Variants in CFDP1 observed in about 807,000 individuals in gnomAD.
CFDP1 encodes heterochromatin-stabilizing protein CFDP1.
CFDP1 carries 31 observed loss-of-function variants against 40.1 expected under a neutral mutation model. The observed-to-expected ratio is 0.77, with a 90% confidence interval of 0.58 to 1.04. The LOEUF is 1.04. CFDP1 is among the 50% of genes least tolerant of loss of function. CFDP1 has a pLI of 0.00. For missense variants in CFDP1, 423 were observed against 343.4 expected, an observed-to-expected ratio of 1.23 and a Z score of -1.83; for synonymous variants, 167 against 120.0, an observed-to-expected ratio of 1.39 and a Z score of -2.56.
chr16:75,318,351 C>G (rs2078338322), intron 5 of CFDP1, among the ~76,000 whole-genome samples: 1 of 151,804 alleles, frequency 6.6e-6, no homozygotes, highest in South Asian at 2.1e-4. Context: ...CAATATGCCT[C>G]AGTGGTGTGT....
intron 5 of CFDP1, among the ~76,000 whole-genome samples, chr16:75,334,956 CAA>C (rs56372530): frequency 6.3e-5 from 8 of 127,858 alleles, no homozygotes; most frequent in Admixed American, 8.4e-5. Context: ...CACTCTGCCT[CAA>C]AAAAAAAAAA....
At chr16:75,307,302 G>A (rs112732368) in intron 5 of CFDP1, among the ~76,000 whole-genome samples, 1 of 151,738 alleles carries the variant, frequency 6.6e-6, no homozygotes, top group Non-Finnish European at 1.5e-5. Flanking sequence ...TGCAACCTCC[G>A]CCTCCCGGGT....
In CFDP1 at chr16:75,328,339, C is replaced by A. The variant is rs575065976; in HGVS notation, c.651-23157G>T. Among the ~76,000 whole-genome samples, 14 of 148,654 alleles carry A rather than the reference C, an allele frequency of 9.4e-5. No individual in the cohort carries two copies. In the South Asian group the frequency reaches 3.0e-3, roughly 32 times the overall value. ...GTGGCTCATGCCTGCAATCCTGGCA[C>A]TTTGGGAGGCCGAGGCAGGTGGATC... is the stretch of plus-strand genomic sequence containing the variant. On this transcript the variant is annotated intron_variant, in intron 5 of 6. Coordinates refer to ENST00000283882, the MANE Select transcript of CFDP1 (RefSeq NM_006324.3).
chr16:75,431,273 G>A (rs1289470137), intron 1 of CFDP1, among the ~76,000 whole-genome samples: 1 of 151,828 alleles, frequency 6.6e-6, no homozygotes, highest in Admixed American at 6.6e-5. Flanking sequence ...CCAACATGGT[G>A]TAACTTCGTC....
At chr16:75,355,843 T>C (rs898308772) in intron 5 of CFDP1, among the ~76,000 whole-genome samples, 5 of 152,242 alleles carry the variant, frequency 3.3e-5, no homozygotes, top group Admixed American at 1.3e-4. Flanking sequence ...TCCCCAGCTA[T>C]GCGGAACTGA....
intron 5 of CFDP1, among the ~76,000 whole-genome samples, chr16:75,313,391 G>A (rs757058645): frequency 2.1e-4 from 32 of 152,176 alleles, no homozygotes; most frequent in Admixed American, 5.2e-4. Context: ...GTGCAGTGGC[G>A]TGGTCTCGGC....
chr16:75,393,792 G>A (rs935299043), intron 5 of CFDP1, among the ~76,000 whole-genome samples: 4 of 144,498 alleles, frequency 2.8e-5, no homozygotes, highest in Non-Finnish European at 6.0e-5. Flanking sequence ...GGGCCCGGTG[G>A]CTCACGCCTG....
intron 5 of CFDP1, among the ~76,000 whole-genome samples, chr16:75,318,437 ACT>A (rs1597327747): frequency 7.2e-6 from 1 of 138,400 alleles, no homozygotes; most frequent in African/African-American, 2.7e-5. Flanking sequence ...ATGAAGTCTC[ACT>A]CTGTCGCCCA....
rs570425979 is a variant in CFDP1, at chr16:75,363,287, A to C, written c.650+31803T>G. Among the ~76,000 whole-genome samples the C allele has an allele frequency of 2.1e-3, 312 of 151,840 alleles. 1 individual carries two copies. The highest frequency in any genetic ancestry group is 3.8e-3 in the Non-Finnish European group (255 of 67,864). On this transcript the variant is annotated intron_variant, in intron 5 of 6. Transcript: ENST00000283882. ...TCTGAGCACCAAAAAAAAAAAAAAA[A>C]ATTTTTGCCATCCCCTCTTGTGACA... is the stretch of plus-strand genomic sequence containing the variant.
intron 5 of CFDP1, among the ~76,000 whole-genome samples, chr16:75,335,725 T>A (rs1310915231): frequency 1.3e-5 from 2 of 151,990 alleles, no homozygotes; most frequent in African/African-American, 4.8e-5. Flanking sequence ...CCCGGATAAT[T>A]TTTTGTGTTT....
At chr16:75,423,212 C>A (rs1317918646) in intron 1 of CFDP1, among the ~76,000 whole-genome samples, 2 of 145,574 alleles carry the variant, frequency 1.4e-5, no homozygotes, top group East Asian at 4.2e-4. Flanking sequence ...ACCCGGGAGG[C>A]AGGGCTGGCA....
intron 5 of CFDP1, among the ~76,000 whole-genome samples, chr16:75,347,387 A>AAGAAAAAGAAAG (rs1408437044): frequency 6.6e-6 from 1 of 150,732 alleles, no homozygotes; most frequent in African/African-American, 2.4e-5. Flanking sequence ...GAAAAAGAAA[A>AAGAAAAAGAAAG]AAGAAAAAAA....
In CFDP1 at chr16:75,341,367, A is replaced by G. The variant is rs570047755; in HGVS notation, c.651-36185T>C. Among the ~76,000 whole-genome samples, 180 of 152,276 alleles carry G rather than the reference A, an allele frequency of 1.2e-3. No individual in the cohort carries two copies. The Middle Eastern group carries it at 0.02, about 17-fold the overall frequency. On this transcript the variant is annotated intron_variant, in intron 5 of 6. Coordinates refer to ENST00000283882, the MANE Select transcript of CFDP1 (RefSeq NM_006324.3). ...GGGATTCAAAGTTATTAATAACCCT[A>G]TGGCAACCTAACTGGCTTTGCTATA...
rs571370104 is a variant in CFDP1, at chr16:75,351,290, A to G, written c.650+43800T>C. On this transcript the variant is annotated intron_variant, in intron 5 of 6. Coordinates refer to ENST00000283882, the MANE Select transcript of CFDP1 (RefSeq NM_006324.3). ...TATGTATTGATAAATCCTTGAAACA[A>G]TAACCAACTCAGTAGCAACTGGCAT... Among the ~76,000 whole-genome samples the G allele has an allele frequency of 3.9e-5, 6 of 152,362 alleles. No homozygotes were observed. In the South Asian group the frequency reaches 8.3e-4, roughly 21 times the overall value.
In CFDP1 at chr16:75,412,525, C is replaced by G; in HGVS notation, c.402+10G>C. 2.5e-6 allele frequency: 4 copies of G among 1,608,668 alleles called. No homozygotes were observed. In the Middle Eastern group the frequency reaches 5.0e-4, roughly 199 times the overall value. ...GGAGAGGCATTCACCTCACTAATGT[C>G]TCAACTTACCTTAACTTGTGTACTT... On this transcript the variant is annotated intron_variant, in intron 3 of 6. Coordinates refer to ENST00000283882, the MANE Select transcript of CFDP1 (RefSeq NM_006324.3).
At chr16:75,328,761 C>G (rs972956054) in intron 5 of CFDP1, among the ~76,000 whole-genome samples, 2 of 151,340 alleles carry the variant, frequency 1.3e-5, no homozygotes, top group African/African-American at 4.9e-5. Context: ...TCAATGCAAC[C>G]TCTGCTTCCT....
In CFDP1 at chr16:75,414,649, A is replaced by G; in HGVS notation, c.111T>C (p.Asp37=). Residue 37 remains aspartate, a synonymous_variant, in exon 2 of 7, where the codon GAT becomes GAC. Coordinates refer to ENST00000283882, the MANE Select transcript of CFDP1 (RefSeq NM_006324.3). The part of the protein sequence containing the change: ...EDDVNELVKE[D]EVDGEEQTQK... ...GTGTCTGCTCTTCACCATCCACTTCATCTTCCTTCACTAATTCATTTACAT... is the reference window on the plus strand; with the variant it reads ...GTGTCTGCTCTTCACCATCCACTTCGTCTTCCTTCACTAATTCATTTACAT... The G allele has an allele frequency of 1.2e-6, 2 of 1,612,876 alleles. No individual in the cohort carries two copies. The highest frequency in any genetic ancestry group is 1.1e-5 in the South Asian group (1 of 91,020).
At chr16:75,325,012 A>C (rs2032926) in intron 5 of CFDP1, 113,747 of 152,050 alleles carry the variant, frequency 0.75, 42,688 homozygotes, top group Admixed American at 0.8. Context: ...TTGATGGCAT[A>C]TGGGAGTCTT....
chr16:75,396,945 G>C (rs1223659423), intron 4 of CFDP1, among the ~76,000 whole-genome samples: 1 of 151,896 alleles, frequency 6.6e-6, no homozygotes, highest in African/African-American at 2.4e-5. Flanking sequence ...ATGGAGTCTC[G>C]CTCTGTCGCC....
Sources: gnomAD v4.1 joint callset for allele counts (sites outside exome capture counted in the v4.1 genomes callset) on GRCh38, gnomAD v4.1.1 for gene constraint, MANE v1.5 for transcripts, NCBI Gene and HGNC (gene_info 2026-07-23, HGNC 2026-07-21) for gene names.